Variants in PSKH2 observed in about 807,000 individuals in gnomAD.
PSKH2 encodes the protein serine/threonine-protein kinase H2.
A neutral mutation model predicts 22.5 loss-of-function variants in PSKH2; 16 were observed. The ratio of observed to expected loss-of-function variants is 0.71; its 90% CI spans 0.48 to 1.08. PSKH2 has a LOEUF of 1.08. PSKH2 is among the 50% of genes least tolerant of loss of function. The pLI, the probability that PSKH2 is intolerant of heterozygous loss-of-function variation, is 0.00. For synonymous variants in PSKH2, 188 were observed against 184.8 expected, an observed-to-expected ratio of 1.02 and a Z score of -0.14; for missense variants, 516 against 492.8, an observed-to-expected ratio of 1.05 and a Z score of -0.44.
Position 86,048,101 on chromosome 8 carries a change from C to G in PSKH2, c.*361G>C, listed in dbSNP as rs796217267. Among the ~76,000 whole-genome samples, 10 of 152,100 alleles carry G rather than the reference C, an allele frequency of 6.6e-5. No homozygotes were observed. The highest frequency in any genetic ancestry group is 2.4e-4 in the African/African-American group (10 of 41,492). On this transcript the variant is annotated 3_prime_UTR_variant, in exon 3 of 3. Transcript: ENST00000276616. ...AATTTCAGGATAAATACATATATTC[C>G]CCATATCTAACTATTCCTGCTATGT...
At chr8:86,049,747 A>AAAGAAAGGAAAGAAAGAAAGG (rs1363102902) in intron 2 of PSKH2, among the ~76,000 whole-genome samples, 2 of 11,452 alleles carry the variant, frequency 1.7e-4, no homozygotes, top group South Asian at 5.4e-3. Context: ...AGAAAGAAAG[A>AAAGAAAGGAAAGAAAGAAAGG]AACGAAAGAA....
chr8:86,062,034 A>C (rs1817783803), intron 2 of PSKH2, among the ~76,000 whole-genome samples: 1 of 152,242 alleles, frequency 6.6e-6, no homozygotes, highest in African/African-American at 2.4e-5. Context: ...AATGATCCAA[A>C]TCACCATACC....
At position 86,069,538 on chromosome 8, in the gene PSKH2, C is replaced by G. The variant is rs1487380417; in HGVS notation, c.85G>C (p.Val29Leu). The G allele has an allele frequency of 1.9e-6, 3 of 1,608,884 alleles. No homozygotes were observed. The highest frequency in any genetic ancestry group is 2.2e-5 in the East Asian group (1 of 44,754). ...TCGGGCCCAGGCCCCGCGCCTCCGACGCCGGCTTGGTTTTGACCTTCGTGC... is the reference window on the plus strand; with the variant it reads ...TCGGGCCCAGGCCCCGCGCCTCCGAGGCCGGCTTGGTTTTGACCTTCGTGC... ...AKHEGQNQAG[V>L]GGAGPGPEAA... is the part of the protein sequence containing the mutation. Residue 29 changes from valine to leucine, a missense_variant, in exon 1 of 3, where the codon GTC (valine) becomes CTC (leucine). Transcript: ENST00000276616.
At position 86,058,808 on chromosome 8, in the gene PSKH2, G is replaced by T. The variant is rs200153244; in HGVS notation, c.852+5157C>A. 2.6e-5 allele frequency among the ~76,000 whole-genome samples: 4 copies of T among 152,062 alleles called. No individual in the cohort carries two copies. The East Asian group carries it at 7.7e-4, about 29-fold the overall frequency. Reference sequence around the variant, plus strand: ...TTATGGCTAACTTTTACTTATATACGAGTGGAGCTAGAGTATGGCTCTGTT... The same window carrying T: ...TTATGGCTAACTTTTACTTATATACTAGTGGAGCTAGAGTATGGCTCTGTT... On this transcript the variant is annotated intron_variant, in intron 2 of 2. Coordinates refer to ENST00000276616, the MANE Select transcript of PSKH2 (RefSeq NM_033126.3).
intron 2 of PSKH2, 34 bp downstream of exon 2, chr8:86,063,931 C>A: frequency 1.3e-6 from 2 of 1,550,346 alleles, no homozygotes; most frequent in South Asian, 2.4e-5. Context: ...CCACTCTAAA[C>A]CAACACAATA....
chr8:86,056,130 G>T (rs1425526843), intron 2 of PSKH2, among the ~76,000 whole-genome samples: 1 of 151,478 alleles, frequency 6.6e-6, no homozygotes, highest in Non-Finnish European at 1.5e-5. Flanking sequence ...CTCTACAAAA[G>T]ATTTTTTTTT....
At chr8:86,069,710 G>C, upstream of PSKH2, 3 of 1,373,228 alleles carry the variant, frequency 2.2e-6, no homozygotes, top group South Asian at 1.6e-5. Context: ...GAGCAGCTGC[G>C]AGGGGCGGGA....
Position 86,069,579 on chromosome 8 carries a change from G to A in PSKH2, c.44C>T (p.Ala15Val). 2 of 1,600,216 alleles carry A rather than the reference G, an allele frequency of 1.2e-6. No individual in the cohort carries two copies. Among genetic ancestry groups the A allele is most frequent in the African/African-American group, 1.3e-5 (1 of 74,178 alleles). Residue 15 changes from alanine to valine, a missense_variant, in exon 1 of 3, where the codon GCG becomes GTG. Ala to Val is a moderately conservative substitution (Grantham distance 64, BLOSUM62 0). Coordinates refer to ENST00000276616, the MANE Select transcript of PSKH2 (RefSeq NM_033126.3). ...ACCTTCGTGCTTGGCCCAAGCCAGC[G>A]CTGGTGGCCCCGGGACCACCTTCCT... ...ASRKVVPGPP[A>V]LAWAKHEGQN...
Position 86,064,004 on chromosome 8 carries a change from G to A in PSKH2, c.813C>T (p.Tyr271=). ...TATATTTGCCTTTCAGAATCTTCCT[G>A]TAAAGCCTTGTCTGGCTTTCATCAT... ...PFDDESQTRL[Y]RKILKGKYNY... is the part of the protein sequence containing the mutation. Residue 271 remains tyrosine (Y), a synonymous_variant, in exon 2 of 3, where the codon TAC becomes TAT. Coordinates refer to ENST00000276616, the MANE Select transcript of PSKH2 (RefSeq NM_033126.3). 6 of 1,613,630 alleles carry A rather than the reference G, an allele frequency of 3.7e-6. No individual in the cohort carries two copies. Among genetic ancestry groups the A allele is most frequent in the Non-Finnish European group, 5.1e-6 (6 of 1,179,804 alleles).
intron 2 of PSKH2, among the ~76,000 whole-genome samples, chr8:86,060,946 T>G (rs1461409859): frequency 6.6e-6 from 1 of 152,164 alleles, no homozygotes; most frequent in Non-Finnish European, 1.5e-5. Flanking sequence ...ACCCTTCTTT[T>G]GAAGTGCTTT....
intron 2 of PSKH2, among the ~76,000 whole-genome samples, chr8:86,055,281 C>T (rs541233983): frequency 1.2e-4 from 19 of 152,256 alleles, no homozygotes; most frequent in Admixed American, 5.2e-4. Context: ...AGCATAGCTA[C>T]GTTTATACCC....
intron 2 of PSKH2, among the ~76,000 whole-genome samples, chr8:86,060,453 G>A (rs1050960215): frequency 1.3e-5 from 2 of 152,152 alleles, no homozygotes; most frequent in African/African-American, 2.4e-5. Context: ...GGCAATAGAC[G>A]CTAAATATAT....
In PSKH2 at chr8:86,069,590, C is replaced by T. The variant is rs758570269; in HGVS notation, c.33G>A (p.Pro11=). The T allele has an allele frequency of 1.3e-6, 2 of 1,595,190 alleles. No homozygotes were observed. Among genetic ancestry groups the T allele is most frequent in the African/African-American group, 1.4e-5 (1 of 73,786 alleles). Residue 11 remains proline, a synonymous_variant, in exon 1 of 3, where the codon CCG becomes CCA. Coordinates refer to ENST00000276616, the MANE Select transcript of PSKH2 (RefSeq NM_033126.3). ...TGGCCCAAGCCAGCGCTGGTGGCCC[C>T]GGGACCACCTTCCTGCTGGCGCCGC... MGCGASRKVV[P]GPPALAWAKH...
intron 1 of PSKH2, among the ~76,000 whole-genome samples, chr8:86,064,855 T>C (rs996328388): frequency 6.6e-6 from 1 of 152,336 alleles, no homozygotes; most frequent in East Asian, 1.9e-4. Context: ...ACAATCTTAA[T>C]ACAATAACTA....
chr8:86,048,940 T>C lies in PSKH2; in HGVS notation c.853-173A>G, dbSNP rs73255225. ...CATATATAGAGGAACTAAACCACTT[T>C]TGAGGGAGGAAAAGAAAAAACTTTC... On this transcript the variant is annotated intron_variant, in intron 2 of 2. Transcript: ENST00000276616. Among the ~76,000 whole-genome samples, 271 of 152,230 alleles carry C rather than the reference T, an allele frequency of 1.8e-3. 1 individual carries two copies. The highest frequency in any genetic ancestry group is 6.2e-3 in the African/African-American group (257 of 41,526).
At chr8:86,068,014 G>C (rs1402994913) in intron 1 of PSKH2, among the ~76,000 whole-genome samples, 1 of 152,172 alleles carries the variant, frequency 6.6e-6, no homozygotes, top group Non-Finnish European at 1.5e-5. Context: ...TAGTAGGGTG[G>C]ATGAAAACTA....
At chr8:86,067,097 C>T (rs1022734536) in intron 1 of PSKH2, among the ~76,000 whole-genome samples, 2 of 152,120 alleles carry the variant, frequency 1.3e-5, no homozygotes, top group South Asian at 2.1e-4. Context: ...GAACTACACG[C>T]TTTTGCTCAA....
At chr8:86,067,716 T>C (rs1020242362) in intron 1 of PSKH2, among the ~76,000 whole-genome samples, 1 of 152,122 alleles carries the variant, frequency 6.6e-6, no homozygotes. Context: ...AGAGAAACAA[T>C]TATAATAAAC....
intron 2 of PSKH2, among the ~76,000 whole-genome samples, chr8:86,052,404 C>G (rs1817644915): frequency 6.6e-6 from 1 of 152,174 alleles, no homozygotes; most frequent in Admixed American, 6.5e-5. Context: ...GTCCTTGGAT[C>G]TGGACTAGAC....
Sources: gnomAD v4.1 joint callset for allele counts (sites outside exome capture counted in the v4.1 genomes callset) on GRCh38, gnomAD v4.1.1 for gene constraint, MANE v1.5 for transcripts, NCBI Gene and HGNC (gene_info 2026-07-23, HGNC 2026-07-21) for gene names.